GOLGA8A: variants seen among roughly 807,000 people sequenced by gnomAD.
GOLGA8A encodes the protein golgin A8 family member A.
A neutral mutation model predicts 22.1 loss-of-function variants in GOLGA8A; 3 were observed. The observed-to-expected ratio is 0.14, with a 90% CI of 0.06 to 0.35. The LOEUF (loss-of-function observed/expected upper bound fraction) is 0.35. Among genes scored for constraint, GOLGA8A ranks in the 10% least tolerant of loss-of-function variants. The pLI, the probability that GOLGA8A is intolerant of heterozygous loss-of-function variation, is 1.00. For missense variants in GOLGA8A, 16 were observed against 233.2 expected (o/e 0.07, Z 6.07); for synonymous variants, 7 against 91.7 (o/e 0.08, Z 5.28).
rs568929052 is a variant in GOLGA8A, at chr15:34,430,055, T to C, written c.-1123+5328A>G. ...AAGACAAGTTGGAGATGAGGCTGCC[T>C]CTAGGTGTATCAAATCAACTGAAGT... On this transcript the variant is annotated intron_variant, in intron 2 of 24. Coordinates refer to ENST00000359187, the MANE Select transcript of GOLGA8A (RefSeq NM_181077.5). Among the ~76,000 whole-genome samples, 37 of 147,830 alleles carry C rather than the reference T, an allele frequency of 2.5e-4. 2 individuals are homozygous for C. The highest frequency in any genetic ancestry group is 7.7e-4 in the African/African-American group (31 of 40,254).
Position 34,437,127 on chromosome 15 carries a change from A to G in GOLGA8A, c.-1212+271T>C, listed in dbSNP as rs912088495. On this transcript the variant is annotated intron_variant, in intron 1 of 24. Transcript: ENST00000359187. ...CTCGCCGCGGTGAGCCCCTCCCGGG[A>G]TGCGAAAGCCATCGCCTAGTCCCCG... 2.0e-4 allele frequency among the ~76,000 whole-genome samples: 30 copies of G among 146,350 alleles called. 1 individual carries two copies. The highest frequency in any genetic ancestry group is 7.6e-4 in the African/African-American group (30 of 39,476).
In GOLGA8A at chr15:34,426,903, G is replaced by A. The variant is rs1566912323; in HGVS notation, c.-1123+8480C>T. On this transcript the variant is annotated intron_variant, in intron 2 of 24. Transcript: ENST00000359187. ...CTCAAAACGCAAAACAAAAACTACA[G>A]ATGGCAGATCTATTTAATGATTAGC... 1.4e-5 allele frequency among the ~76,000 whole-genome samples: 2 copies of A among 144,170 alleles called. 1 individual carries two copies. The highest frequency in any genetic ancestry group is 3.1e-5 in the Non-Finnish European group (2 of 65,532). The allele number at this position is 144,170 out of a possible 152,430, so 94.6% of individuals were successfully genotyped here.
chr15:34,426,221 G>C (rs1424373422), intron 2 of GOLGA8A, among the ~76,000 whole-genome samples: 1 of 149,716 alleles, frequency 6.7e-6, no homozygotes, highest in African/African-American at 2.5e-5. Context: ...TAAATAAACA[G>C]TCACATATTA....
At chr15:34,427,917 C>A (rs887245736) in intron 2 of GOLGA8A, among the ~76,000 whole-genome samples, 3 of 148,482 alleles carry the variant, frequency 2.0e-5, no homozygotes, top group Non-Finnish European at 4.5e-5. Flanking sequence ...CTCCCACTGC[C>A]CGATGTGTCA....
chr15:34,436,983 G>A (rs1355310114), intron 1 of GOLGA8A, among the ~76,000 whole-genome samples: 1 of 149,470 alleles, frequency 6.7e-6, no homozygotes. Context: ...GCCCGGCACG[G>A]GGACTTGATG....
chr15:34,432,157 G>A lies in GOLGA8A; in HGVS notation c.-1123+3226C>T, dbSNP rs35485674. 9.2e-3 allele frequency among the ~76,000 whole-genome samples: 1,371 copies of A among 149,144 alleles called. 105 individuals are homozygous for A. Among genetic ancestry groups the A allele is most frequent in the Non-Finnish European group, 0.016 (1,048 of 67,146 alleles). ...AACACCTTAGTGTCCCACCAACCAC[G>A]TCAGCCACCTTCCTGGAGGGCTAGC... On this transcript the variant is annotated intron_variant, in intron 2 of 24. Transcript: ENST00000359187.
intron 2 of GOLGA8A, among the ~76,000 whole-genome samples, chr15:34,434,292 C>G (rs1266239323): frequency 6.7e-6 from 1 of 149,610 alleles, no homozygotes; most frequent in African/African-American, 2.5e-5. Flanking sequence ...CACACCTGGC[C>G]TGGGCCAACT....
Position 34,427,406 on chromosome 15 carries a change from CG to C in GOLGA8A, c.-1123+7976del, listed in dbSNP as rs1375067657. On this transcript the variant is annotated intron_variant, in intron 2 of 24. Transcript: ENST00000359187. ...TCCACACATAGAAAATAATCGAGTC[CG>C]TTTTTTCTGAAAACTTGCTTTAAAG... is the stretch of plus-strand genomic sequence containing the variant. Among the ~76,000 whole-genome samples the C allele has an allele frequency of 5.8e-3, 857 of 147,586 alleles. 60 individuals carry two copies. The highest frequency in any genetic ancestry group is 1.0e-3 in the Non-Finnish European group (69 of 66,786).
chr15:34,433,341 G>C, intron 2 of GOLGA8A, among the ~76,000 whole-genome samples: 1 of 149,152 alleles, frequency 6.7e-6, no homozygotes. Flanking sequence ...ATCCACATCC[G>C]AGGTGACTGC....
chr15:34,429,017 C>T (rs1444927373), intron 2 of GOLGA8A: 2 of 148,448 alleles, frequency 1.3e-5, no homozygotes, highest in East Asian at 2.0e-4. Flanking sequence ...AGAGCCTCCC[C>T]GTGATGCTGG....
chr15:34,386,141 T>C (rs62018271), intron 12 of GOLGA8A, among the ~76,000 whole-genome samples: 33,457 of 133,188 alleles, frequency 0.25, 1,147 homozygotes, highest in Admixed American at 0.28. Context: ...ACAGCCGATA[T>C]AGGATGGAAA....
At chr15:34,421,244 G>T (rs1157725220) in intron 2 of GOLGA8A, among the ~76,000 whole-genome samples, 1 of 143,460 alleles carries the variant, frequency 7.0e-6, no homozygotes, top group South Asian at 2.6e-4. Flanking sequence ...ACAGGCTTCA[G>T]CTACTAATTT....
rs1891347314 is a variant in GOLGA8A at position 34,379,104 on chromosome 15, C to T, written c.*2307G>A. The T allele has an allele frequency of 6.6e-6, 1 of 152,638 alleles. No individual in the cohort carries two copies. The highest frequency in any genetic ancestry group is 1.5e-5 in the Non-Finnish European group (1 of 68,032). 9.5% of individuals were successfully genotyped at this position (152,638 alleles called of 1,614,324 possible). On this transcript the variant is annotated 3_prime_UTR_variant, in exon 25 of 25. Coordinates refer to ENST00000359187, the MANE Select transcript of GOLGA8A (RefSeq NM_181077.5). ...TTAAAAATTTATTGCATTACAGTAG[C>T]ATCACATCAGCAGTCAATAATGCCA...
chr15:34,421,542 G>T (rs115750882), intron 2 of GOLGA8A, among the ~76,000 whole-genome samples: 1,543 of 142,700 alleles, frequency 0.011, 134 homozygotes, highest in African/African-American at 0.038. Context: ...CAGATTACTC[G>T]TTTTCAAGCA....
At chr15:34,435,753 C>G (rs349628) in intron 1 of GOLGA8A, among the ~76,000 whole-genome samples, 136,472 of 147,904 alleles carry the variant, frequency 0.92, 64,502 homozygotes, top group South Asian at 1. Context: ...GGGAAGACTT[C>G]GTGCCCCATT....
In GOLGA8A at chr15:34,437,502, TCC is replaced by T; in HGVS notation, c.-1318_-1317del. 3.0e-5 allele frequency: 1 copy of T among 33,876 alleles called. No homozygotes were observed. Among genetic ancestry groups the T allele is most frequent in the African/African-American group, 1.6e-4 (1 of 6,222 alleles). The allele number at this position is 33,876 out of a possible 1,614,324, so 2.1% of individuals were successfully genotyped here. On this transcript the variant is annotated 5_prime_UTR_variant, in exon 1 of 25. Coordinates refer to ENST00000359187, the MANE Select transcript of GOLGA8A (RefSeq NM_181077.5). ...CGCCGCCGTCCTCGCCGCGCCGCCG[TCC>T]TCGCCGCGCCGCCGTCCTCGCCGCG...
At chr15:34,419,110 G>C (rs1244137565) in intron 2 of GOLGA8A, 6 of 133,986 alleles carry the variant, frequency 4.5e-5, no homozygotes, top group Non-Finnish European at 9.5e-5. Flanking sequence ...CCCCATGTTG[G>C]CCAGGCTGGT....
chr15:34,402,956 A>G (rs1892078942), intron 5 of GOLGA8A, among the ~76,000 whole-genome samples: 1 of 110,128 alleles, frequency 9.1e-6, no homozygotes, highest in Admixed American at 8.8e-5. Context: ...TGGACCTATA[A>G]AAACATTTCC....
At chr15:34,425,170 G>A (rs930970849) in intron 2 of GOLGA8A, among the ~76,000 whole-genome samples, 3 of 146,170 alleles carry the variant, frequency 2.1e-5, no homozygotes, top group Non-Finnish European at 4.5e-5. Context: ...AAAAGAAGAG[G>A]AATGAAGAGG....
Sources: allele counts gnomAD v4.1 joint callset (sites outside exome capture counted in the v4.1 genomes callset), GRCh38; gene constraint gnomAD v4.1.1; transcripts MANE v1.5; gene names NCBI Gene and HGNC (gene_info 2026-07-23, HGNC 2026-07-21).